Variants in COMMD10 observed in about 807,000 individuals in gnomAD.
COMMD10 encodes COMM domain containing 10, also known as COMM domain-containing protein 10.
COMMD10 carries 33 observed loss-of-function variants against 28.9 expected under a neutral mutation model. That is an observed-to-expected ratio of 1.14 (90% CI 0.87 to 1.53). The LOEUF (loss-of-function observed/expected upper bound fraction) is 1.53. Ranked by LOEUF, COMMD10 falls within the 40% of genes most tolerant of loss-of-function variation. COMMD10 has a pLI of 0.00. For missense variants in COMMD10, 310 were observed against 233.4 expected, an observed-to-expected ratio of 1.33 and a Z score of -2.14; for synonymous variants, 110 against 81.7, an observed-to-expected ratio of 1.35 and a Z score of -1.87.
At chr5:116,121,963 T>C (rs920878807) in intron 4 of COMMD10, among the ~76,000 whole-genome samples, 27 of 152,122 alleles carry the variant, frequency 1.8e-4, no homozygotes, top group African/African-American at 5.8e-4. Flanking sequence ...GTTTCTTTTG[T>C]CATGCAGAAG....
At position 116,180,735 on chromosome 5, in the gene COMMD10, A is replaced by AT. The variant is rs557989618; in HGVS notation, c.510+46564dup. 1.8e-3 allele frequency among the ~76,000 whole-genome samples: 276 copies of AT among 152,196 alleles called. 3 individuals are homozygous for AT. The highest frequency in any genetic ancestry group is 3.3e-3 in the Non-Finnish European group (225 of 67,992). ...TCTTAAAACTATTTTTATAAAATCA[A>AT]TTTTTTTGACTTGGGATCATTTAGG... is the stretch of plus-strand genomic sequence containing the variant. On this transcript the variant is annotated intron_variant, in intron 5 of 6. Transcript: ENST00000274458.
rs367634835 is a variant in COMMD10, at chr5:116,101,704, G to A, written c.399+9004G>A. ...CCTCCCAAAGTGTGGGCTTACAGGC[G>A]TGAGCCACTGCGCCCGGACTTTCTT... On this transcript the variant is annotated intron_variant, in intron 4 of 6. Coordinates refer to ENST00000274458, the MANE Select transcript of COMMD10 (RefSeq NM_016144.4). Among the ~76,000 whole-genome samples the A allele has an allele frequency of 2.6e-5, 4 of 152,260 alleles. No individual in the cohort carries two copies. In the South Asian group the frequency reaches 6.2e-4, roughly 24 times the overall value.
At chr5:116,125,255 A>G (rs112099453) in intron 4 of COMMD10, among the ~76,000 whole-genome samples, 1 of 152,082 alleles carries the variant, frequency 6.6e-6, no homozygotes, top group South Asian at 2.1e-4. Flanking sequence ...CCTGGTAGTG[A>G]CAAAGTCTGT....
At chr5:116,102,508 CT>C (rs1750697414) in intron 4 of COMMD10, among the ~76,000 whole-genome samples, 1 of 152,018 alleles carries the variant, frequency 6.6e-6, no homozygotes, top group African/African-American at 2.4e-5. Flanking sequence ...CAGGTTTGTT[CT>C]TTTTGCTTAG....
At chr5:116,093,552 A>G (rs13186125) in intron 4 of COMMD10, among the ~76,000 whole-genome samples, 11,956 of 152,156 alleles carry the variant, frequency 0.079, 601 homozygotes, top group Non-Finnish European at 0.12. Flanking sequence ...AGCTCCCTGA[A>G]GTTCATGCAA....
chr5:116,215,275 G>C lies in COMMD10; in HGVS notation c.511-76242G>C, dbSNP rs147377228. The stretch of plus-strand genomic sequence containing the variant: ...TGTATAGTCAACATTTTATACAGAT[G>C]TAAGTATATAAAGTTTATATCAAAG... On this transcript the variant is annotated intron_variant, in intron 5 of 6. Coordinates refer to ENST00000274458, the MANE Select transcript of COMMD10 (RefSeq NM_016144.4). Among the ~76,000 whole-genome samples the C allele has an allele frequency of 2.6e-3, 393 of 152,082 alleles. 1 individual carries two copies. Among genetic ancestry groups the C allele is most frequent in the Non-Finnish European group, 4.4e-3 (301 of 67,990 alleles).
At chr5:116,215,238 G>T (rs940845705) in intron 5 of COMMD10, among the ~76,000 whole-genome samples, 4 of 151,970 alleles carry the variant, frequency 2.6e-5, no homozygotes, top group African/African-American at 9.7e-5. Flanking sequence ...ATAAGAAAAA[G>T]AAATGAATAG....
At chr5:116,179,113 C>T (rs928315624) in intron 5 of COMMD10, among the ~76,000 whole-genome samples, 19 of 152,044 alleles carry the variant, frequency 1.2e-4, no homozygotes, top group Non-Finnish European at 2.6e-4. Flanking sequence ...AACACTGTGT[C>T]ATGCTTGCTG....
intron 5 of COMMD10, among the ~76,000 whole-genome samples, chr5:116,148,866 T>A (rs1217305443): frequency 1.3e-5 from 2 of 151,862 alleles, no homozygotes; most frequent in Admixed American, 6.6e-5. Flanking sequence ...TATTATACTT[T>A]AAGTTTTAAG....
intron 5 of COMMD10, among the ~76,000 whole-genome samples, chr5:116,220,282 C>T (rs1749214143): frequency 6.6e-6 from 1 of 152,174 alleles, no homozygotes; most frequent in Non-Finnish European, 1.5e-5. Flanking sequence ...CTGTCTCATT[C>T]ATGTTCTTCA....
At chr5:116,166,787 A>C (rs1174650400) in intron 5 of COMMD10, among the ~76,000 whole-genome samples, 1 of 152,206 alleles carries the variant, frequency 6.6e-6, no homozygotes, top group Non-Finnish European at 1.5e-5. Context: ...AAACAGAGAA[A>C]GGAATAGAAT....
At chr5:116,210,370 A>G (rs191152748) in intron 5 of COMMD10, among the ~76,000 whole-genome samples, 1 of 151,864 alleles carries the variant, frequency 6.6e-6, no homozygotes. Flanking sequence ...ATACAGGCAT[A>G]CTTATGTGTT....
At chr5:116,245,819 G>T (rs1749937221) in intron 5 of COMMD10, among the ~76,000 whole-genome samples, 1 of 152,040 alleles carries the variant, frequency 6.6e-6, no homozygotes, top group African/African-American at 2.4e-5. Flanking sequence ...AGCAAACTAG[G>T]TATTGAAGGA....
At chr5:116,214,964 G>C (rs148765532) in intron 5 of COMMD10, among the ~76,000 whole-genome samples, 9 of 152,178 alleles carry the variant, frequency 5.9e-5, no homozygotes, top group African/African-American at 2.2e-4. Flanking sequence ...CTGGAGATGA[G>C]TTGAGATATT....
chr5:116,177,974 A>G (rs927950882), intron 5 of COMMD10, among the ~76,000 whole-genome samples: 2 of 152,166 alleles, frequency 1.3e-5, no homozygotes, highest in Admixed American at 1.3e-4. Context: ...TTTTACTCAG[A>G]TAATATGAGC....
At chr5:116,158,864 C>G (rs933656877) in intron 5 of COMMD10, among the ~76,000 whole-genome samples, 6 of 119,434 alleles carry the variant, frequency 5.0e-5, no homozygotes, top group Non-Finnish European at 8.3e-5. Context: ...TTTTTTTTTC[C>G]CCCCCTGAGG....
intron 5 of COMMD10, among the ~76,000 whole-genome samples, chr5:116,197,317 C>T (rs1013309919): frequency 1.1e-4 from 16 of 152,056 alleles, no homozygotes; most frequent in East Asian, 1.9e-4. Context: ...TAATATTTTA[C>T]GCAAACAATA....
At chr5:116,214,054 T>C (rs975810086) in intron 5 of COMMD10, among the ~76,000 whole-genome samples, 1 of 152,106 alleles carries the variant, frequency 6.6e-6, no homozygotes, top group African/African-American at 2.4e-5. Flanking sequence ...TTATGTAGGG[T>C]AGCCTAAACA....
At chr5:116,143,674 A>C (rs1309955595) in intron 5 of COMMD10, among the ~76,000 whole-genome samples, 3 of 151,872 alleles carry the variant, frequency 2.0e-5, no homozygotes, top group African/African-American at 7.2e-5. Context: ...AATGAATAAT[A>C]TAAATATTTT....
Sources: allele counts gnomAD v4.1 joint callset (sites outside exome capture counted in the v4.1 genomes callset), GRCh38; gene constraint gnomAD v4.1.1; transcripts MANE v1.5; gene names NCBI Gene and HGNC (gene_info 2026-07-23, HGNC 2026-07-21).